Variants in ROCK2 observed in about 807,000 individuals in gnomAD.
ROCK2 encodes Rho associated coiled-coil containing protein kinase 2.
ROCK2 carries 61 observed loss-of-function variants against 195.1 expected under a neutral mutation model. That is an observed-to-expected ratio of 0.31 (90% CI 0.25 to 0.39). The LOEUF (loss-of-function observed/expected upper bound fraction) is 0.39. ROCK2 is among the 10% of genes least tolerant of loss of function. ROCK2 has a pLI of 1.00. For synonymous variants in ROCK2, 504 were observed against 545.5 expected (o/e 0.92, Z 1.06); for missense variants, 1,109 against 1,637.4 (o/e 0.68, Z 5.57).
intron 1 of ROCK2, among the ~76,000 whole-genome samples, chr2:11,297,291 T>C (rs1339115622): frequency 6.6e-6 from 1 of 152,142 alleles, no homozygotes; most frequent in Non-Finnish European, 1.5e-5. Flanking sequence ...ATACAATAAC[T>C]ATCATACCAT....
Position 11,179,763 on chromosome 2 carries a change from A to G in ROCK2, c.*3674T>C, listed in dbSNP as rs1355463842. On this transcript the variant is annotated 3_prime_UTR_variant, in exon 33 of 33. Coordinates refer to ENST00000315872, the MANE Select transcript of ROCK2 (RefSeq NM_004850.5). The stretch of plus-strand genomic sequence containing the variant: ...GACTATTTCACAGGAGAAGTATGAA[A>G]ATGCTTATGTCTCCATTTATTTTAT... 3 of 152,184 alleles carry G rather than the reference A, an allele frequency of 2.0e-5. No homozygotes were observed. The highest frequency in any genetic ancestry group is 4.4e-5 in the Non-Finnish European group (3 of 68,040). 9.4% of individuals were successfully genotyped at this position (152,184 alleles called of 1,614,324 possible). A position where few individuals can be genotyped will look rare whatever the true frequency, so the allele number is the denominator to read the frequency against.
chr2:11,238,238 G>GTGTGTGTGTGTGTGTGTGTGTGTGTC (rs937484823), intron 4 of ROCK2, among the ~76,000 whole-genome samples: 2 of 151,190 alleles, frequency 1.3e-5, no homozygotes, highest in Admixed American at 1.3e-4. Context: ...GTGTGTGTGT[G>GTGTGTGTGTGTGTGTGTGTGTGTGTC]TGTCTGTTGT....
chr2:11,305,444 T>TACACAC (rs59533265), intron 1 of ROCK2, among the ~76,000 whole-genome samples: 10,794 of 150,366 alleles, frequency 0.072, 465 homozygotes, highest in Non-Finnish European at 0.079. Context: ...TGTGTGGGTG[T>TACACAC]ACACACACAC....
chr2:11,282,737 AG>A (rs1667051290), intron 3 of ROCK2, among the ~76,000 whole-genome samples: 1 of 152,182 alleles, frequency 6.6e-6, no homozygotes. Context: ...CAAGAAAGAA[AG>A]AACTGATAAC....
At chr2:11,332,537 C>CA (rs1435738228) in intron 1 of ROCK2, among the ~76,000 whole-genome samples, 1 of 152,196 alleles carries the variant, frequency 6.6e-6, no homozygotes, top group African/African-American at 2.4e-5. Context: ...TGGCCAACAT[C>CA]ATTTGTCATT....
At position 11,181,022 on chromosome 2, in the gene ROCK2, T is replaced by G. The variant is rs1465279820; in HGVS notation, c.*2415A>C. On this transcript the variant is annotated 3_prime_UTR_variant, in exon 33 of 33. Transcript: ENST00000315872. ...AGAATTATCTTTTTCCCCTAAGACC[T>G]TCATATGAATCTTCCTTGTACAGTT... 6.6e-6 allele frequency: 1 copy of G among 151,904 alleles called. No homozygotes were observed. Among genetic ancestry groups the G allele is most frequent in the Non-Finnish European group, 1.5e-5 (1 of 67,970 alleles). The allele number at this position is 151,904 out of a possible 1,614,324, so 9.4% of individuals were successfully genotyped here.
At chr2:11,282,895 T>C (rs1264113705) in intron 3 of ROCK2, among the ~76,000 whole-genome samples, 1 of 151,922 alleles carries the variant, frequency 6.6e-6, no homozygotes, top group African/African-American at 2.4e-5. Context: ...TACAAAGAAC[T>C]CTCAAAACTA....
At chr2:11,240,930 G>C (rs1179688550) in intron 4 of ROCK2, among the ~76,000 whole-genome samples, 1 of 152,144 alleles carries the variant, frequency 6.6e-6, no homozygotes, top group Non-Finnish European at 1.5e-5. Context: ...ACAGAAAAGA[G>C]ATACCGTATA....
At chr2:11,316,962 A>C (rs72789537) in intron 1 of ROCK2, among the ~76,000 whole-genome samples, 6,471 of 152,236 alleles carry the variant, frequency 0.043, 280 homozygotes, top group Non-Finnish European at 0.06. Context: ...TACATAAACC[A>C]AACCTTTAAT....
At chr2:11,317,579 T>TATATATATAAAAAAAAAAAAA (rs1668239771) in intron 1 of ROCK2, among the ~76,000 whole-genome samples, 1 of 12,034 alleles carries the variant, frequency 8.3e-5, no homozygotes, top group African/African-American at 2.9e-4. Flanking sequence ...TACACATTTA[T>TATATATATAAAAAAAAAAAAA]ATATATATAT....
rs1227670558 is a variant in ROCK2, at chr2:11,317,593, TATATATATATATATA to T, written c.141+26388_141+26402del. 1.9e-3 allele frequency among the ~76,000 whole-genome samples: 28 copies of T among 14,502 alleles called. 2 individuals carry two copies. In the East Asian group the frequency reaches 0.053, roughly 28 times the overall value. The allele number at this position is 14,502 out of a possible 152,430, so 9.5% of individuals were successfully genotyped here. A position where few individuals can be genotyped will look rare whatever the true frequency, so the allele number is the denominator to read the frequency against. ...CTACACATTTATATATATATATATA[TATATATATATATATA>T]TATATTTTTTTTTTTTTTTAATTAT... On this transcript the variant is annotated intron_variant, in intron 1 of 32. Coordinates refer to ENST00000315872, the MANE Select transcript of ROCK2 (RefSeq NM_004850.5).
intron 17 of ROCK2, among the ~76,000 whole-genome samples, chr2:11,213,369 C>G (rs1664313030): frequency 1.3e-5 from 2 of 152,066 alleles, no homozygotes; most frequent in Non-Finnish European, 2.9e-5. Flanking sequence ...CATGATCTAC[C>G]TCATGCCGAG....
At chr2:11,335,077 A>G (rs1192489076) in intron 1 of ROCK2, among the ~76,000 whole-genome samples, 1 of 151,640 alleles carries the variant, frequency 6.6e-6, no homozygotes, top group Non-Finnish European at 1.5e-5. Context: ...CAATGAACTA[A>G]AAATGAATCC....
chr2:11,192,699 T>C lies in ROCK2; in HGVS notation c.3701A>G (p.Asn1234Ser). Reference sequence around the variant, plus strand: ...TTGTTCCTTCTTACTTTCTCCTTCATTGGCATACAGAATCTATGAATGCCA... The same window carrying C: ...TTGTTCCTTCTTACTTTCTCCTTCACTGGCATACAGAATCTATGAATGCCA... Reference protein sequence around the residue: ...IPRIFQILYANEGESKKEQEF... With the variant: ...IPRIFQILYASEGESKKEQEF... The change falls in exon 31 of 33, where the codon AAT (asparagine) becomes AGT (serine). Residue 1234 changes from asparagine (N) to serine (S), a missense_variant. Coordinates refer to ENST00000315872, the MANE Select transcript of ROCK2 (RefSeq NM_004850.5). The surrounding 1 kb of genome is among the most constrained non-coding windows in gnomAD (Gnocchi z 5.0). 1.2e-6 allele frequency: 2 copies of C among 1,612,722 alleles called. No homozygotes were observed. Among genetic ancestry groups the C allele is most frequent in the African/African-American group, 1.3e-5 (1 of 74,982 alleles).
chr2:11,241,623 A>T (rs1665431606), intron 4 of ROCK2, among the ~76,000 whole-genome samples: 1 of 152,236 alleles, frequency 6.6e-6, no homozygotes, highest in Non-Finnish European at 1.5e-5. Flanking sequence ...CAGATGGATA[A>T]ATGCATGACA....
intron 1 of ROCK2, among the ~76,000 whole-genome samples, chr2:11,332,173 A>T (rs1332090460): frequency 1.3e-5 from 2 of 152,128 alleles, no homozygotes; most frequent in East Asian, 3.8e-4. Context: ...TTAAAAAAAT[A>T]AAAAAGAGCC....
chr2:11,317,606 A>ATTTTTTT (rs1215755085), intron 1 of ROCK2, among the ~76,000 whole-genome samples: 1 of 16,150 alleles, frequency 6.2e-5, no homozygotes, highest in Non-Finnish European at 1.3e-4. Context: ...ATATATATAT[A>ATTTTTTT]TATATATTTT....
intron 10 of ROCK2, 112 bp downstream of exon 10, chr2:11,218,854 C>A: frequency 1.7e-6 from 1 of 580,724 alleles, no homozygotes; most frequent in Non-Finnish European, 3.1e-6. Context: ...ACAAGGAATG[C>A]CATCTCATGA....
At chr2:11,306,545 G>A (rs1238706657) in intron 1 of ROCK2, among the ~76,000 whole-genome samples, 3 of 152,104 alleles carry the variant, frequency 2.0e-5, no homozygotes, top group African/African-American at 4.8e-5. Flanking sequence ...TTGGCATGCC[G>A]TAGTTACTAA....
Sources: gnomAD v4.1 joint callset for allele counts (sites outside exome capture counted in the v4.1 genomes callset) on GRCh38, gnomAD v4.1.1 for gene constraint, Gnocchi (gnomAD v3.1) non-coding constraint, MANE v1.5 for transcripts, NCBI Gene and HGNC (gene_info 2026-07-23, HGNC 2026-07-21) for gene names.